The following PLPP1 variants were observed in gnomAD, a reference collection of about 807,000 sequenced individuals.
PLPP1 encodes phospholipid phosphatase 1.
PLPP1 carries 24 observed loss-of-function variants against 31.2 expected under a neutral mutation model. The observed-to-expected ratio is 0.77, with a 90% confidence interval of 0.56 to 1.08. The LOEUF is 1.08. PLPP1 is among the 50% of genes least tolerant of loss of function. The pLI is 0.00. For missense variants in PLPP1, 319 were observed against 342.7 expected, an observed-to-expected ratio of 0.93 and a Z score of 0.55; for synonymous variants, 146 against 126.3, an observed-to-expected ratio of 1.16 and a Z score of -1.05.
At position 55,467,935 on chromosome 5, in the gene PLPP1, T is replaced by C. The variant is rs1561234540; in HGVS notation, c.425A>G (p.Asn142Ser). The C allele has an allele frequency of 3.1e-6, 5 of 1,614,194 alleles. No individual in the cohort carries two copies. The highest frequency in any genetic ancestry group is 3.4e-6 in the Non-Finnish European group (4 of 1,180,012). The change falls in exon 3 of 6, where the codon AAC becomes AGC. Residue 142 changes from asparagine to serine, a missense_variant. Physicochemically the swap from Asn to Ser is conservative, Grantham distance 46. Coordinates refer to ENST00000307259, the MANE Select transcript of PLPP1 (RefSeq NM_003711.4). ...DVCDPDWSKI[N>S]CSDGYIEYYI... ...GTATTCAATGTAACCATCGCTGCAG[T>C]TGATTTTTGACCAATCTGGATCACA...
chr5:55,472,522 C>T (rs575740828), intron 2 of PLPP1, among the ~76,000 whole-genome samples: 2 of 152,188 alleles, frequency 1.3e-5, no homozygotes, highest in African/African-American at 2.4e-5. Context: ...ATCGCTTGAA[C>T]CCAGGAGTCG....
chr5:55,528,701 A>G (rs1257837600), intron 1 of PLPP1, among the ~76,000 whole-genome samples: 9 of 152,226 alleles, frequency 5.9e-5, no homozygotes, highest in Admixed American at 3.9e-4. Flanking sequence ...AACCAAGTTT[A>G]AAAAATGTTC....
chr5:55,475,519 A>AG, intron 1 of PLPP1, 69 bp from the exon 2 acceptor site: 4 of 1,370,480 alleles, frequency 2.9e-6, no homozygotes, highest in Non-Finnish European at 3.9e-6. Context: ...GGCAATAATT[A>AG]TCCCACAGAC....
At chr5:55,479,751 TA>T (rs1752633297) in intron 1 of PLPP1, among the ~76,000 whole-genome samples, 1 of 152,226 alleles carries the variant, frequency 6.6e-6, no homozygotes, top group Non-Finnish European at 1.5e-5. Flanking sequence ...CAATTTTACT[TA>T]ATCTAGTTAG....
In PLPP1 at chr5:55,425,373, G is replaced by A. The variant is rs758396057; in HGVS notation, c.727-39C>T. 3.3e-6 allele frequency: 5 copies of A among 1,521,004 alleles called. No individual in the cohort carries two copies. The African/African-American group carries it at 7.0e-5, about 21-fold the overall frequency. The allele number at this position is 1,521,004 out of a possible 1,614,324, so 94.2% of individuals were successfully genotyped here. A position where few individuals can be genotyped will look rare whatever the true frequency, so the allele number is the denominator to read the frequency against. On this transcript the variant is annotated intron_variant, in intron 5 of 5. Transcript: ENST00000307259. ...TATTTAATGGTATAATTTAGATCAA[G>A]TTAAAAACTACATACAAAGTTGTGA...
intron 3 of PLPP1, among the ~76,000 whole-genome samples, chr5:55,458,253 T>C (rs1177974548): frequency 1.3e-5 from 2 of 152,080 alleles, no homozygotes; most frequent in African/African-American, 4.8e-5. Flanking sequence ...GAGTAACAAA[T>C]GGTCAGCATG....
intron 3 of PLPP1, among the ~76,000 whole-genome samples, chr5:55,458,389 CT>C (rs951354636): frequency 4.6e-5 from 7 of 151,352 alleles, no homozygotes; most frequent in Non-Finnish European, 1.0e-4. Flanking sequence ...TACATATATG[CT>C]TTTTTTTCCT....
rs35821302 is a variant in PLPP1 at position 55,427,775 on chromosome 5, T to TGG, written c.550-1738_550-1737dup. On this transcript the variant is annotated intron_variant, in intron 4 of 5. Coordinates refer to ENST00000307259, the MANE Select transcript of PLPP1 (RefSeq NM_003711.4). ...AATCAACTAAGCTCCAACACTTTTT[T>TGG]GGGGGGGGGGATGTGGGAGGGGGAA... Among the ~76,000 whole-genome samples the TGG allele has an allele frequency of 8.2e-3, 820 of 99,910 alleles. 3 individuals are homozygous for TGG. Among genetic ancestry groups the TGG allele is most frequent in the African/African-American group, 0.023 (603 of 26,008 alleles). 65.5% of individuals were successfully genotyped at this position (99,910 alleles called of 152,430 possible).
At chr5:55,445,626 C>A (rs930630425) in intron 3 of PLPP1, among the ~76,000 whole-genome samples, 1 of 149,768 alleles carries the variant, frequency 6.7e-6, no homozygotes, top group African/African-American at 2.5e-5. Flanking sequence ...CTCACTGCAA[C>A]CTCCGCCTCC....
chr5:55,435,839 C>T (rs1751479030), intron 4 of PLPP1, among the ~76,000 whole-genome samples: 2 of 152,072 alleles, frequency 1.3e-5, no homozygotes. Flanking sequence ...AAGGAAACCA[C>T]AGTTAGGCTA....
intron 4 of PLPP1, among the ~76,000 whole-genome samples, chr5:55,438,833 G>A (rs989153920): frequency 1.2e-4 from 18 of 151,828 alleles, no homozygotes; most frequent in Non-Finnish European, 2.6e-4. Flanking sequence ...CCCGGGAGGT[G>A]GAGCTTGCAG....
intron 4 of PLPP1, among the ~76,000 whole-genome samples, chr5:55,430,738 TGAA>T (rs1751329078): frequency 6.6e-6 from 1 of 151,944 alleles, no homozygotes; most frequent in Non-Finnish European, 1.5e-5. Context: ...CAGATTCCAA[TGAA>T]GAAATGTGTG....
intron 1 of PLPP1, among the ~76,000 whole-genome samples, chr5:55,499,624 A>C (rs1446940734): frequency 6.6e-6 from 1 of 152,132 alleles, no homozygotes; most frequent in African/African-American, 2.4e-5. Context: ...ATTGTTGTTC[A>C]TGGATGTGAA....
chr5:55,529,581 A>C (rs1579989833), intron 1 of PLPP1, among the ~76,000 whole-genome samples: 1 of 152,174 alleles, frequency 6.6e-6, no homozygotes, highest in Non-Finnish European at 1.5e-5. Context: ...ACAAGCTTTC[A>C]CTTTTTAAAG....
intron 5 of PLPP1, 28 bp downstream of exon 5, chr5:55,425,835 G>T: frequency 2.6e-6 from 4 of 1,510,514 alleles, no homozygotes; most frequent in Non-Finnish European, 2.7e-6. Context: ...GCAATATCAA[G>T]ATGTAGGCTG....
At chr5:55,513,570 C>A (rs975592455) in intron 1 of PLPP1, among the ~76,000 whole-genome samples, 1 of 152,098 alleles carries the variant, frequency 6.6e-6, no homozygotes, top group Non-Finnish European at 1.5e-5. Flanking sequence ...CTGCGCCCGG[C>A]CTATATTAAC....
intron 3 of PLPP1, among the ~76,000 whole-genome samples, chr5:55,456,373 G>A (rs1398355161): frequency 6.6e-6 from 1 of 152,008 alleles, no homozygotes; most frequent in Admixed American, 6.6e-5. Flanking sequence ...ATTGTAGGAG[G>A]ATATTCTCAT....
At chr5:55,472,329 G>A (rs568473682) in intron 2 of PLPP1, among the ~76,000 whole-genome samples, 18 of 151,794 alleles carry the variant, frequency 1.2e-4, no homozygotes, top group South Asian at 2.1e-4. Context: ...TAGGCCGGGC[G>A]CAGTGGCTCA....
chr5:55,465,377 T>A lies in PLPP1; in HGVS notation c.491+2492A>T, dbSNP rs144136705. Among the ~76,000 whole-genome samples the A allele has an allele frequency of 1.3e-3, 202 of 152,236 alleles. 2 individuals carry two copies. The Middle Eastern group carries it at 0.024, about 18-fold the overall frequency. The stretch of plus-strand genomic sequence containing the variant: ...ATAGCTGGTTTTATCATTGCATTCA[T>A]AAATATGTATGGTATTTTTTAAAGG... On this transcript the variant is annotated intron_variant, in intron 3 of 5. Coordinates refer to ENST00000307259, the MANE Select transcript of PLPP1 (RefSeq NM_003711.4).
Sources: allele counts gnomAD v4.1 joint callset (sites outside exome capture counted in the v4.1 genomes callset), GRCh38; gene constraint gnomAD v4.1.1; transcripts MANE v1.5; gene names NCBI Gene and HGNC (gene_info 2026-07-23, HGNC 2026-07-21).